The following NKAIN2 variants were observed in gnomAD, a reference collection of about 807,000 sequenced individuals.
The protein encoded by NKAIN2 is sodium/potassium transporting ATPase interacting 2.
NKAIN2 carries 14 observed loss-of-function variants against 32.6 expected under a neutral mutation model. That is an observed-to-expected ratio of 0.43 (90% CI 0.28 to 0.67). NKAIN2 has a LOEUF of 0.67. Among genes scored for constraint, NKAIN2 ranks in the 30% least tolerant of loss-of-function variants. The probability of loss-of-function intolerance (pLI) is 0.17; values close to 1 mark genes in which losing one functional copy is unlikely to be tolerated. For synonymous variants in NKAIN2, 80 were observed against 87.2 expected (o/e 0.92, Z 0.46); for missense variants, 198 against 258.3 (o/e 0.77, Z 1.60).
At chr6:124,258,304 C>T (rs1454761036) in intron 1 of NKAIN2, among the ~76,000 whole-genome samples, 1 of 152,130 alleles carries the variant, frequency 6.6e-6, no homozygotes, top group Middle Eastern at 3.2e-3. Flanking sequence ...TAGTTGTTTC[C>T]AGTGTGCCCT....
intron 1 of NKAIN2, among the ~76,000 whole-genome samples, chr6:124,160,421 A>G (rs1256925679): frequency 1.3e-5 from 2 of 152,186 alleles, no homozygotes; most frequent in Non-Finnish European, 1.5e-5. Context: ...GTATGTGGGA[A>G]CAACTGTATT....
At chr6:123,833,797 G>T (rs181700267) in intron 1 of NKAIN2, among the ~76,000 whole-genome samples, 2 of 146,824 alleles carry the variant, frequency 1.4e-5, no homozygotes, top group Admixed American at 6.9e-5. Context: ...GCACGATCTC[G>T]GCTCACTGCA....
intron 1 of NKAIN2, among the ~76,000 whole-genome samples, chr6:124,109,916 A>G (rs556556690): frequency 6.6e-6 from 1 of 152,106 alleles, no homozygotes; most frequent in South Asian, 2.1e-4. Flanking sequence ...TGATTTGGGC[A>G]TGTTGAACAT....
At chr6:124,407,179 G>T (rs576787238) in intron 3 of NKAIN2, among the ~76,000 whole-genome samples, 1 of 152,086 alleles carries the variant, frequency 6.6e-6, no homozygotes, top group East Asian at 1.9e-4. Context: ...TTAGGTTTAT[G>T]ATTTATTCTG....
At chr6:123,862,917 A>G (rs1582671105) in intron 1 of NKAIN2, among the ~76,000 whole-genome samples, 1 of 152,158 alleles carries the variant, frequency 6.6e-6, no homozygotes, top group South Asian at 2.1e-4. Flanking sequence ...AGTCTTATTT[A>G]CCACTGAGTC....
intron 3 of NKAIN2, among the ~76,000 whole-genome samples, chr6:124,534,252 G>C (rs1779633366): frequency 6.6e-6 from 1 of 151,980 alleles, no homozygotes; most frequent in African/African-American, 2.4e-5. Flanking sequence ...CCAGGCTCAA[G>C]CTTTGCTTAT....
chr6:124,653,466 A>T (rs1313010624), intron 3 of NKAIN2, among the ~76,000 whole-genome samples: 1 of 138,646 alleles, frequency 7.2e-6, no homozygotes, highest in East Asian at 2.1e-4. Context: ...AAAAAAAAAA[A>T]AATCTAGACA....
chr6:124,242,206 A>G (rs1793141458), intron 1 of NKAIN2, among the ~76,000 whole-genome samples: 1 of 152,166 alleles, frequency 6.6e-6, no homozygotes, highest in South Asian at 2.1e-4. Flanking sequence ...TACAAGAAAA[A>G]AACAGCCCCA....
chr6:124,623,921 G>A (rs978274598), intron 3 of NKAIN2, among the ~76,000 whole-genome samples: 5 of 152,098 alleles, frequency 3.3e-5, no homozygotes, highest in Non-Finnish European at 7.4e-5. Flanking sequence ...CCCCAGAAAT[G>A]GATCTTGACT....
intron 4 of NKAIN2, among the ~76,000 whole-genome samples, chr6:124,755,566 T>C (rs1213096548): frequency 6.6e-6 from 1 of 152,180 alleles, no homozygotes; most frequent in African/African-American, 2.4e-5. Flanking sequence ...TGCAGGGACA[T>C]GGATGGAGCT....
At chr6:124,409,348 A>C (rs1189468406) in intron 3 of NKAIN2, among the ~76,000 whole-genome samples, 1 of 152,070 alleles carries the variant, frequency 6.6e-6, no homozygotes, top group Non-Finnish European at 1.5e-5. Context: ...GATAGCTCTT[A>C]TTATTTTGAG....
At chr6:124,609,808 TAGAG>T (rs942947779) in intron 3 of NKAIN2, among the ~76,000 whole-genome samples, 1 of 152,146 alleles carries the variant, frequency 6.6e-6, no homozygotes, top group African/African-American at 2.4e-5. Context: ...GGGGTAGTGA[TAGAG>T]AGCTACGACG....
At chr6:123,942,098 G>T (rs893612497) in intron 1 of NKAIN2, among the ~76,000 whole-genome samples, 2 of 151,714 alleles carry the variant, frequency 1.3e-5, no homozygotes, top group Non-Finnish European at 2.9e-5. Flanking sequence ...TATTTTTTAC[G>T]TATTGCTGAT....
chr6:124,582,624 G>A (rs1781564465), intron 3 of NKAIN2, among the ~76,000 whole-genome samples: 1 of 151,998 alleles, frequency 6.6e-6, no homozygotes, highest in Non-Finnish European at 1.5e-5. Flanking sequence ...GGCTAGTATT[G>A]TCTTGATACC....
chr6:124,456,952 A>G (rs2114636872), intron 3 of NKAIN2, among the ~76,000 whole-genome samples: 1 of 151,880 alleles, frequency 6.6e-6, no homozygotes, highest in African/African-American at 2.4e-5. Flanking sequence ...GTGGTGTAAG[A>G]TGGGACTTTA....
intron 2 of NKAIN2, among the ~76,000 whole-genome samples, chr6:124,343,320 A>T (rs1291416390): frequency 1.3e-5 from 2 of 151,470 alleles, no homozygotes; most frequent in East Asian, 2.0e-4. Context: ...TAGCAGCATG[A>T]TTTATAGTCC....
At chr6:124,440,739 T>G (rs1657674109) in intron 3 of NKAIN2, among the ~76,000 whole-genome samples, 3 of 152,086 alleles carry the variant, frequency 2.0e-5, no homozygotes, top group Admixed American at 2.0e-4. Flanking sequence ...TGAGAAGTCC[T>G]AAGTTACTGG....
chr6:123,920,355 C>T (rs1775695060), intron 1 of NKAIN2, among the ~76,000 whole-genome samples: 1 of 152,010 alleles, frequency 6.6e-6, no homozygotes, highest in Non-Finnish European at 1.5e-5. Flanking sequence ...GGTGCACACT[C>T]CTTTATGCCT....
chr6:124,742,662 C>T (rs1316929033), intron 4 of NKAIN2, among the ~76,000 whole-genome samples: 1 of 151,814 alleles, frequency 6.6e-6, no homozygotes, highest in Admixed American at 6.6e-5. Context: ...AAGTCGACTG[C>T]CTTAACCTCA....
Sources: allele counts gnomAD v4.1 joint callset (sites outside exome capture counted in the v4.1 genomes callset), GRCh38; gene constraint gnomAD v4.1.1; transcripts MANE v1.5; gene names NCBI Gene and HGNC (gene_info 2026-07-23, HGNC 2026-07-21).